The following PTPRN2 variants were observed in gnomAD, a reference collection of about 807,000 sequenced individuals.
PTPRN2 encodes protein tyrosine phosphatase receptor type N2.
PTPRN2 carries 74 observed loss-of-function variants against 118.8 expected under a neutral mutation model. The observed-to-expected ratio is 0.62, with a 90% CI of 0.52 to 0.76. The LOEUF (loss-of-function observed/expected upper bound fraction) is 0.76. Ranked by LOEUF, PTPRN2 falls within the 30% of genes least tolerant of loss-of-function variation. PTPRN2 has a pLI of 0.00. For synonymous variants in PTPRN2, 641 were observed against 608.0 expected (o/e 1.05, Z -0.80); for missense variants, 1,481 against 1,394.4 (o/e 1.06, Z -0.99).
chr7:158,138,600 C>T lies in PTPRN2; in HGVS notation c.911-85G>A, dbSNP rs1050669702. ...CTCCAGACCATAGGGGTGTGGTGGG[C>T]GTCTGCGGCGTCCCAAGGCAGTGGC... On this transcript the variant is annotated intron_variant, in intron 6 of 22. Coordinates refer to ENST00000389418, the MANE Select transcript of PTPRN2 (RefSeq NM_002847.5). 65 of 1,308,272 alleles carry T rather than the reference C, an allele frequency of 5.0e-5. 1 individual carries two copies. The highest frequency in any genetic ancestry group is 1.9e-4 in the Middle Eastern group (1 of 5,162). The allele number at this position is 1,308,272 out of a possible 1,614,324, so 81.0% of individuals were successfully genotyped here.
intron 11 of PTPRN2, among the ~76,000 whole-genome samples, chr7:158,076,227 A>C (rs1431015599): frequency 6.6e-6 from 1 of 152,192 alleles, no homozygotes. Flanking sequence ...GTCTTGCTCC[A>C]ATCTCTTAAT....
chr7:158,257,795 C>T (rs1036352675), intron 3 of PTPRN2, among the ~76,000 whole-genome samples: 4 of 152,236 alleles, frequency 2.6e-5, no homozygotes, highest in African/African-American at 7.2e-5. Context: ...ACAGGGATGG[C>T]GTGCGTGCCA....
rs1423333550 is a variant in PTPRN2, at chr7:157,595,095, C to A, written c.2496+143G>T. On this transcript the variant is annotated intron_variant, in intron 17 of 22. Coordinates refer to ENST00000389418, the MANE Select transcript of PTPRN2 (RefSeq NM_002847.5). ...AAAGATTGATAATAAAAAATATGAA[C>A]AGACTGAAATTCTGATATAAGTAAC... The A allele has an allele frequency of 3.9e-6, 3 of 759,958 alleles. No homozygotes were observed. The African/African-American group carries it at 5.3e-5, about 13-fold the overall frequency. The allele number at this position is 759,958 out of a possible 1,614,324, so 47.1% of individuals were successfully genotyped here. A position where few individuals can be genotyped will look rare whatever the true frequency, so the allele number is the denominator to read the frequency against.
intron 15 of PTPRN2, chr7:157,616,162 C>T (rs1311641240): frequency 3.8e-5 from 6 of 155,936 alleles, no homozygotes; most frequent in Admixed American, 6.3e-5. Context: ...GTGAGAAGGA[C>T]GGGTAGCCAT....
intron 2 of PTPRN2, among the ~76,000 whole-genome samples, chr7:158,479,449 TC>T (rs917916307): frequency 7.5e-4 from 114 of 152,228 alleles, no homozygotes; most frequent in African/African-American, 2.6e-3. Context: ...GAACTTTTTT[TC>T]CTCTCCATTT....
At chr7:158,481,345 T>C (rs559520986) in intron 2 of PTPRN2, among the ~76,000 whole-genome samples, 1 of 152,256 alleles carries the variant, frequency 6.6e-6, no homozygotes, top group Non-Finnish European at 1.5e-5. Context: ...TCATCAGCAG[T>C]GCACCAGTCA....
chr7:157,807,566 C>A (rs1805710727), intron 12 of PTPRN2, among the ~76,000 whole-genome samples: 1 of 152,234 alleles, frequency 6.6e-6, no homozygotes, highest in Non-Finnish European at 1.5e-5. Context: ...TGCCTTTCTG[C>A]ACAGCCAGGG....
chr7:157,948,848 C>A (rs1237529567), intron 11 of PTPRN2, among the ~76,000 whole-genome samples: 1 of 152,072 alleles, frequency 6.6e-6, no homozygotes, highest in Admixed American at 6.6e-5. Flanking sequence ...TCCGGTTGGC[C>A]TTAAAACAAG....
rs1453426518 is a variant in PTPRN2 at position 157,787,792 on chromosome 7, G to A, written c.1789-104855C>T. 6.6e-6 allele frequency among the ~76,000 whole-genome samples: 1 copy of A among 152,144 alleles called. No homozygotes were observed. Among genetic ancestry groups the A allele is most frequent in the African/African-American group, 2.4e-5 (1 of 41,418 alleles). ...ACTTCATTTGTGCTCATGGCTGGGG[G>A]AGGCACCTGGGGGCCCCGTCCAAGC... On this transcript the variant is annotated intron_variant, in intron 12 of 22. Transcript: ENST00000389418. This position sits in a 1 kb window ranked among gnomAD's most constrained non-coding sequence, Gnocchi z 5.3.
intron 15 of PTPRN2, chr7:157,616,922 A>G (rs1009259973): frequency 6.6e-6 from 1 of 152,232 alleles, no homozygotes; most frequent in African/African-American, 2.4e-5. Flanking sequence ...AAGGAAAGCT[A>G]TGCTTAGCCA....
At chr7:158,407,151 G>GGTCCTGCGTCCCGGGTCCTGC (rs1563254163) in intron 2 of PTPRN2, among the ~76,000 whole-genome samples, 1 of 111,050 alleles carries the variant, frequency 9.0e-6, no homozygotes, top group African/African-American at 3.1e-5. Context: ...CTGCGTCCTG[G>GGTCCTGCGTCCCGGGTCCTGC]GTCCTGGGTC....
chr7:158,490,506 GGTT>G, intron 1 of PTPRN2, among the ~76,000 whole-genome samples: 1 of 152,346 alleles, frequency 6.6e-6, no homozygotes. Flanking sequence ...GGCTGGCAAA[GGTT>G]GGCGTTCGGC....
Position 158,385,728 on chromosome 7 carries a change from G to A in PTPRN2, c.164-68796C>T, listed in dbSNP as rs1265586420. Among the ~76,000 whole-genome samples the A allele has an allele frequency of 3.3e-5, 5 of 152,264 alleles. No individual in the cohort carries two copies. The East Asian group carries it at 7.7e-4, about 24-fold the overall frequency. On this transcript the variant is annotated intron_variant, in intron 2 of 22. Transcript: ENST00000389418. The stretch of plus-strand genomic sequence containing the variant: ...GATGAGCTACGTGATACCAGAAAAC[G>A]GTTTCAAGTCCGTTTCTAAATTTCC...
intron 11 of PTPRN2, among the ~76,000 whole-genome samples, chr7:158,066,816 G>T (rs550744483): frequency 7.4e-4 from 112 of 152,142 alleles, no homozygotes; most frequent in African/African-American, 2.5e-3. Context: ...TGGTCCTCGT[G>T]ACTTGAGCAC....
chr7:158,570,426 C>G lies in PTPRN2; in HGVS notation c.112+17132G>C, dbSNP rs1046224599. On this transcript the variant is annotated intron_variant, in intron 1 of 22. Transcript: ENST00000389418. This position sits in a 1 kb window ranked among gnomAD's most constrained non-coding sequence, Gnocchi z 4.5. Reference sequence around the variant, plus strand: ...GGACAGAACCGAGCGCCCTCCAGCACCCTCTCCCACCATCCATCCTCACAG... The same window carrying G: ...GGACAGAACCGAGCGCCCTCCAGCAGCCTCTCCCACCATCCATCCTCACAG... 4.6e-5 allele frequency among the ~76,000 whole-genome samples: 7 copies of G among 152,334 alleles called. No individual in the cohort carries two copies. In the South Asian group the frequency reaches 1.5e-3, roughly 32 times the overall value.
At chr7:158,392,533 G>A (rs568079500) in intron 2 of PTPRN2, among the ~76,000 whole-genome samples, 241 of 152,298 alleles carry the variant, frequency 1.6e-3, no homozygotes, top group African/African-American at 5.6e-3. Flanking sequence ...GTGGGGGCAC[G>A]GCCCCAGCAG....
At chr7:157,993,668 G>A (rs529810187) in intron 11 of PTPRN2, among the ~76,000 whole-genome samples, 1 of 152,272 alleles carries the variant, frequency 6.6e-6, no homozygotes, top group Admixed American at 6.5e-5. Context: ...GGGGCAGGGT[G>A]GGCCACAGAG....
At chr7:158,557,402 G>A (rs1266978028) in intron 1 of PTPRN2, among the ~76,000 whole-genome samples, 3 of 152,222 alleles carry the variant, frequency 2.0e-5, no homozygotes, top group Non-Finnish European at 4.4e-5. Context: ...CTCCCGCGCA[G>A]GTCAGGCAGC....
rs988375635 is a variant in PTPRN2, at chr7:157,763,012, G to T, written c.1789-80075C>A. 3.3e-5 allele frequency among the ~76,000 whole-genome samples: 5 copies of T among 152,116 alleles called. No homozygotes were observed. The highest frequency in any genetic ancestry group is 7.3e-5 in the Non-Finnish European group (5 of 68,032). On this transcript the variant is annotated intron_variant, in intron 12 of 22. Coordinates refer to ENST00000389418, the MANE Select transcript of PTPRN2 (RefSeq NM_002847.5). This position sits in a 1 kb window ranked among gnomAD's most constrained non-coding sequence, Gnocchi z 4.9. ...GTCACAGGGCTAACCCTCCATCAGA[G>T]CCCACAGCCGCCCACTCACAGTCGG...
Sources: gnomAD v4.1 joint callset for allele counts (sites outside exome capture counted in the v4.1 genomes callset) on GRCh38, gnomAD v4.1.1 for gene constraint, Gnocchi (gnomAD v3.1) non-coding constraint, MANE v1.5 for transcripts, NCBI Gene and HGNC (gene_info 2026-07-23, HGNC 2026-07-21) for gene names.